The following RBFOX1 variants were observed in gnomAD, a reference collection of about 807,000 sequenced individuals.
RBFOX1 encodes the protein RNA binding protein fox-1 homolog 1.
In RBFOX1, 8 loss-of-function variants were observed where a neutral mutation model predicts 57.7. That is an observed-to-expected ratio of 0.14 (90% CI 0.08 to 0.25). RBFOX1 has a LOEUF of 0.25. RBFOX1 is among the 10% of genes least tolerant of loss of function. The pLI is 1.00. For synonymous variants in RBFOX1, 326 were observed against 222.4 expected (o/e 1.47, Z -4.15); for missense variants, 611 against 548.5 (o/e 1.11, Z -1.14).
intron 1 of RBFOX1, among the ~76,000 whole-genome samples, chr16:6,294,285 C>A (rs189208536): frequency 1.3e-5 from 2 of 152,142 alleles, no homozygotes; most frequent in Non-Finnish European, 2.9e-5. Context: ...CAGACTCTTC[C>A]TGAAGGAAGC....
chr16:6,694,141 T>C (rs2060671057), intron 3 of RBFOX1, among the ~76,000 whole-genome samples: 1 of 152,246 alleles, frequency 6.6e-6, no homozygotes, highest in African/African-American at 2.4e-5. Context: ...AACCTCATCA[T>C]GACTCTGCCA....
chr16:6,989,062 T>A (rs1347512339), intron 3 of RBFOX1, among the ~76,000 whole-genome samples: 2 of 151,852 alleles, frequency 1.3e-5, no homozygotes, highest in African/African-American at 4.8e-5. Flanking sequence ...CGCGCCCGGC[T>A]TTTTTGGTAT....
intron 4 of RBFOX1, among the ~76,000 whole-genome samples, chr16:7,501,721 T>C (rs892024645): frequency 8.5e-5 from 13 of 152,252 alleles, no homozygotes; most frequent in African/African-American, 3.1e-4. Flanking sequence ...ACCACCTGGC[T>C]GCTTCCTGCT....
chr16:5,824,336 G>A lies in RBFOX1; in HGVS notation c.319-42967G>A, dbSNP rs563936276. On this transcript the variant is annotated intron_variant, in intron 3 of 19. Coordinates refer to the RBFOX1 transcript ENST00000641259. ...CCCTCTTTTTTGGTCACCCAAGTGTGTCCTTCTTACAGTCATGGAGCTTGT... is the reference window on the plus strand; with the variant it reads ...CCCTCTTTTTTGGTCACCCAAGTGTATCCTTCTTACAGTCATGGAGCTTGT... Among the ~76,000 whole-genome samples the A allele has an allele frequency of 3.3e-5, 5 of 152,290 alleles. No individual in the cohort carries two copies. The South Asian group carries it at 6.2e-4, about 19-fold the overall frequency.
chr16:6,881,125 C>T (rs7186798), intron 3 of RBFOX1, among the ~76,000 whole-genome samples: 36,829 of 151,972 alleles, frequency 0.24, 4,612 homozygotes, highest in African/African-American at 0.29. Flanking sequence ...CTCAGTGAAG[C>T]GCTCCAGGCA....
intron 1 of RBFOX1, among the ~76,000 whole-genome samples, chr16:6,167,042 G>C (rs2096923204): frequency 6.6e-6 from 1 of 152,136 alleles, no homozygotes; most frequent in African/African-American, 2.4e-5. Flanking sequence ...CAAAGTACTG[G>C]GATTACAGGC....
At chr16:7,172,535 C>T (rs2016173924) in intron 4 of RBFOX1, among the ~76,000 whole-genome samples, 1 of 152,176 alleles carries the variant, frequency 6.6e-6, no homozygotes, top group South Asian at 2.1e-4. Flanking sequence ...GCACTACCTC[C>T]TGAGAAATTG....
chr16:6,993,445 G>C (rs1167873303), intron 3 of RBFOX1, among the ~76,000 whole-genome samples: 2 of 152,140 alleles, frequency 1.3e-5, no homozygotes, highest in African/African-American at 4.8e-5. Flanking sequence ...GCTGGCTGAG[G>C]GATCCATCAG....
At chr16:6,863,383 G>C (rs982950465) in intron 3 of RBFOX1, among the ~76,000 whole-genome samples, 18 of 152,036 alleles carry the variant, frequency 1.2e-4, no homozygotes, top group African/African-American at 3.4e-4. Context: ...AGAATGTATG[G>C]CTAAAGATTC....
At chr16:6,972,410 A>G (rs1225634654) in intron 3 of RBFOX1, among the ~76,000 whole-genome samples, 1 of 152,110 alleles carries the variant, frequency 6.6e-6, no homozygotes, top group Non-Finnish European at 1.5e-5. Context: ...TCCATGGTGT[A>G]GGATGTTTCT....
At chr16:6,711,459 A>G (rs2063701571) in intron 3 of RBFOX1, among the ~76,000 whole-genome samples, 1 of 152,090 alleles carries the variant, frequency 6.6e-6, no homozygotes, top group South Asian at 2.1e-4. Context: ...CCACGTGTCA[A>G]GGGAGGGACC....
intron 2 of RBFOX1, among the ~76,000 whole-genome samples, chr16:6,499,266 C>G (rs2095853346): frequency 6.6e-6 from 1 of 151,958 alleles, no homozygotes; most frequent in African/African-American, 2.4e-5. Context: ...GAAAGCTACA[C>G]TGGAATTAGA....
chr16:6,908,688 G>A (rs2070742994), intron 3 of RBFOX1, among the ~76,000 whole-genome samples: 1 of 152,102 alleles, frequency 6.6e-6, no homozygotes, highest in Non-Finnish European at 1.5e-5. Context: ...GTCCAGTTGG[G>A]ATGACGAGGG....
intron 3 of RBFOX1, among the ~76,000 whole-genome samples, chr16:5,688,444 G>A (rs1425203411): frequency 2.0e-5 from 3 of 152,206 alleles, no homozygotes; most frequent in African/African-American, 7.2e-5. Flanking sequence ...TTGCCTGCAA[G>A]AATTCCTGAG....
rs111585884 is a variant in RBFOX1, at chr16:7,185,566, G to C, written c.27+133468G>C. Reference sequence around the variant, plus strand: ...CACATTCTTGGCCAGATGGGATACAGTGGTTTTCAAGAAACCCTGCCACTT... The same window carrying C: ...CACATTCTTGGCCAGATGGGATACACTGGTTTTCAAGAAACCCTGCCACTT... On this transcript the variant is annotated intron_variant, in intron 4 of 15. Coordinates refer to ENST00000550418, the MANE Select transcript of RBFOX1 (RefSeq NM_018723.4). Among the ~76,000 whole-genome samples, 446 of 152,312 alleles carry C rather than the reference G, an allele frequency of 2.9e-3. 4 individuals are homozygous for C. The highest frequency in any genetic ancestry group is 0.01 in the African/African-American group (433 of 41,570).
intron 3 of RBFOX1, among the ~76,000 whole-genome samples, chr16:6,973,947 ACC>A (rs2086179967): frequency 2.0e-5 from 3 of 151,816 alleles, no homozygotes; most frequent in African/African-American, 7.3e-5. Flanking sequence ...CTCCCAGCAG[ACC>A]CCAGTGTGTG....
chr16:6,109,169 GC>G, intron 1 of RBFOX1, among the ~76,000 whole-genome samples: 1 of 152,178 alleles, frequency 6.6e-6, no homozygotes, highest in East Asian at 1.9e-4. Context: ...CTGAATCGTG[GC>G]TTTTGTTTTC....
At chr16:7,209,891 A>C (rs1330750177) in intron 4 of RBFOX1, among the ~76,000 whole-genome samples, 1 of 152,058 alleles carries the variant, frequency 6.6e-6, no homozygotes, top group Non-Finnish European at 1.5e-5. Context: ...AAAATGCCTG[A>C]CCCCTAGTGC....
chr16:6,266,810 A>T (rs1333387477), intron 1 of RBFOX1, among the ~76,000 whole-genome samples: 1 of 151,896 alleles, frequency 6.6e-6, no homozygotes, highest in Non-Finnish European at 1.5e-5. Context: ...TGTTGCTTTT[A>T]TCATGTGTTC....
Sources: allele counts gnomAD v4.1 joint callset (sites outside exome capture counted in the v4.1 genomes callset), GRCh38; gene constraint gnomAD v4.1.1; transcripts MANE v1.5; gene names NCBI Gene and HGNC (gene_info 2026-07-23, HGNC 2026-07-21).